Variants in MAD1L1 observed in about 807,000 individuals in gnomAD.
The protein encoded by MAD1L1 is mitotic spindle assembly checkpoint protein MAD1.
A neutral mutation model predicts 96.9 loss-of-function variants in MAD1L1; 95 were observed. The observed-to-expected ratio is 0.98, with a 90% CI of 0.83 to 1.16. The LOEUF is 1.16. Ranked by LOEUF, MAD1L1 falls within the 50% of genes most tolerant of loss-of-function variation. MAD1L1 has a pLI of 0.00. For missense variants in MAD1L1, 1,007 were observed against 954.4 expected (o/e 1.06, Z -0.73); for synonymous variants, 473 against 396.6 (o/e 1.19, Z -2.29).
intron 12 of MAD1L1, among the ~76,000 whole-genome samples, chr7:2,048,483 G>A (rs1784031580): frequency 6.6e-6 from 1 of 152,174 alleles, no homozygotes; most frequent in Non-Finnish European, 1.5e-5. Context: ...GCTATACATC[G>A]AATGCCCACT....
At chr7:2,186,261 A>G (rs1404587451) in intron 10 of MAD1L1, among the ~76,000 whole-genome samples, 5 of 152,250 alleles carry the variant, frequency 3.3e-5, no homozygotes, top group African/African-American at 1.2e-4. Context: ...AATGGTATTC[A>G]CTAAATCTGT....
chr7:1,998,929 C>A (rs1781675239), intron 14 of MAD1L1, among the ~76,000 whole-genome samples: 1 of 150,518 alleles, frequency 6.6e-6, no homozygotes, highest in Non-Finnish European at 1.5e-5. Flanking sequence ...GTCCACAGAC[C>A]CCACAGTCCA....
At chr7:1,914,791 T>TATTATG (rs1329411344) in intron 17 of MAD1L1, among the ~76,000 whole-genome samples, 1 of 151,872 alleles carries the variant, frequency 6.6e-6, no homozygotes, top group African/African-American at 2.4e-5. Flanking sequence ...TTATTATTAT[T>TATTATG]ATTTTTATAA....
At chr7:2,010,273 T>C (rs1782236108) in intron 13 of MAD1L1, among the ~76,000 whole-genome samples, 1 of 151,522 alleles carries the variant, frequency 6.6e-6, no homozygotes, top group Non-Finnish European at 1.5e-5. Flanking sequence ...CCCGCAGAGC[T>C]GCCCGAGCCT....
chr7:1,918,013 C>T lies in MAD1L1; in HGVS notation c.1807+18674G>A, dbSNP rs569119517. On this transcript the variant is annotated intron_variant, in intron 17 of 18. Coordinates refer to ENST00000265854, the MANE Select transcript of MAD1L1 (RefSeq NM_001013836.2). Reference sequence around the variant, plus strand: ...GGGCTGGGGAGGGGCCCAGGCAGCGCTGTATCCCTACAACCTGAATCGTGG... The same window carrying T: ...GGGCTGGGGAGGGGCCCAGGCAGCGTTGTATCCCTACAACCTGAATCGTGG... Among the ~76,000 whole-genome samples the T allele has an allele frequency of 7.9e-5, 12 of 152,282 alleles. No individual in the cohort carries two copies. In the East Asian group the frequency reaches 2.1e-3, roughly 27 times the overall value.
intron 11 of MAD1L1, among the ~76,000 whole-genome samples, chr7:2,081,763 C>T (rs1400558856): frequency 2.0e-5 from 3 of 152,218 alleles, no homozygotes; most frequent in East Asian, 1.9e-4. Context: ...GGAGAAAAGC[C>T]GGAGCACAGG....
At chr7:2,062,312 T>C (rs1469914689) in intron 12 of MAD1L1, among the ~76,000 whole-genome samples, 1 of 148,568 alleles carries the variant, frequency 6.7e-6, no homozygotes, top group Non-Finnish European at 1.5e-5. Flanking sequence ...GGCTCACGCC[T>C]GTAATCCCAG....
intron 10 of MAD1L1, among the ~76,000 whole-genome samples, chr7:2,179,730 G>A (rs1562758167): frequency 1.3e-5 from 2 of 152,022 alleles, no homozygotes; most frequent in Non-Finnish European, 2.9e-5. Flanking sequence ...AGCACTTTGG[G>A]AGGCCAAGGT....
At chr7:1,865,630 A>G (rs1784743156) in intron 18 of MAD1L1, among the ~76,000 whole-genome samples, 1 of 152,246 alleles carries the variant, frequency 6.6e-6, no homozygotes. Flanking sequence ...TCAGTGTGGA[A>G]TTGAGGCCTC....
chr7:1,900,821 G>T (rs750724774), intron 17 of MAD1L1, among the ~76,000 whole-genome samples: 1 of 152,228 alleles, frequency 6.6e-6, no homozygotes, highest in African/African-American at 2.4e-5. Flanking sequence ...CTTCAAAGCT[G>T]CCTGTGCCGC....
intron 14 of MAD1L1, among the ~76,000 whole-genome samples, chr7:1,994,155 G>A (rs546973483): frequency 1.1e-3 from 165 of 152,352 alleles, no homozygotes; most frequent in African/African-American, 3.9e-3. Flanking sequence ...GATAATCTGT[G>A]TAAACAACAA....
At chr7:1,975,576 G>T (rs369836933) in intron 15 of MAD1L1, among the ~76,000 whole-genome samples, 2 of 152,356 alleles carry the variant, frequency 1.3e-5, no homozygotes, top group East Asian at 3.9e-4. Context: ...TTCATGAGGG[G>T]ACTTAGAGCA....
intron 10 of MAD1L1, among the ~76,000 whole-genome samples, chr7:2,178,717 C>T (rs990863449): frequency 5.3e-5 from 8 of 151,896 alleles, no homozygotes; most frequent in Admixed American, 1.3e-4. Flanking sequence ...GCCAACATGG[C>T]GAAACCCTGT....
At chr7:1,976,621 C>T (rs535714686) in intron 15 of MAD1L1, among the ~76,000 whole-genome samples, 1 of 152,338 alleles carries the variant, frequency 6.6e-6, no homozygotes, top group South Asian at 2.1e-4. Flanking sequence ...CAGCGGGTTG[C>T]CGCTGCTAGC....
intron 18 of MAD1L1, among the ~76,000 whole-genome samples, chr7:1,885,841 A>C (rs1785984428): frequency 6.6e-6 from 1 of 151,528 alleles, no homozygotes; most frequent in African/African-American, 2.4e-5. Context: ...GGGTGGGCCC[A>C]CTCCTCAGGA....
intron 13 of MAD1L1, among the ~76,000 whole-genome samples, chr7:2,006,130 C>T (rs1005788345): frequency 2.6e-5 from 4 of 152,038 alleles, no homozygotes; most frequent in African/African-American, 7.2e-5. Flanking sequence ...TCACTCATAA[C>T]CTGAAAAGAC....
At chr7:1,872,315 G>A (rs11972107) in intron 18 of MAD1L1, among the ~76,000 whole-genome samples, 3,281 of 152,292 alleles carry the variant, frequency 0.022, 117 homozygotes, top group African/African-American at 0.074. Context: ...CATGCCCAGC[G>A]GCCTGGCCGA....
At chr7:1,890,852 T>C (rs115872991) in intron 18 of MAD1L1, among the ~76,000 whole-genome samples, 4,045 of 152,350 alleles carry the variant, frequency 0.027, 167 homozygotes, top group African/African-American at 0.091. Context: ...CTGGACCCTG[T>C]CTGACGCCCA....
chr7:2,151,122 A>G (rs935772147), intron 10 of MAD1L1, among the ~76,000 whole-genome samples: 2 of 152,266 alleles, frequency 1.3e-5, no homozygotes, highest in Non-Finnish European at 1.5e-5. Flanking sequence ...TCAGTACGAA[A>G]GTAAGGAAAC....
Sources: allele counts gnomAD v4.1 joint callset (sites outside exome capture counted in the v4.1 genomes callset), GRCh38; gene constraint gnomAD v4.1.1; transcripts MANE v1.5; gene names NCBI Gene and HGNC (gene_info 2026-07-23, HGNC 2026-07-21).